SETD5: variants seen among roughly 807,000 people sequenced by gnomAD.
SETD5 encodes the protein histone-lysine N-methyltransferase SETD5.
SETD5 carries 44 observed loss-of-function variants against 153.3 expected under a neutral mutation model. That is an observed-to-expected ratio of 0.29 (90% CI 0.23 to 0.37). SETD5 has a LOEUF of 0.37. Ranked by LOEUF, SETD5 falls within the 10% of genes least tolerant of loss-of-function variation. The probability of loss-of-function intolerance (pLI) is 1.00; values close to 1 mark genes in which losing one functional copy is unlikely to be tolerated. For missense variants in SETD5, 1,544 were observed against 1,768.0 expected (o/e 0.87, Z 2.27); for synonymous variants, 716 against 645.2 (o/e 1.11, Z -1.66).
rs1350831157 is a variant in SETD5, at chr3:9,464,569, C to A, written c.2621C>A (p.Ser874Tyr). Residue 874 changes from serine to tyrosine, a missense_variant, in exon 18 of 23, where the codon TCT becomes TAT. By Grantham distance (144) the Ser-to-Tyr change is moderately radical (BLOSUM62 -2). Coordinates refer to ENST00000402198, the MANE Select transcript of SETD5 (RefSeq NM_001080517.3). Reference sequence around the variant, plus strand: ...CCCCAGCTGGCCACACCTGGCTCATCTCACCCAGGAGAAGAGGAGTGTCGA... The same window carrying A: ...CCCCAGCTGGCCACACCTGGCTCATATCACCCAGGAGAAGAGGAGTGTCGA... ...KSPQLATPGS[S>Y]HPGEEECRNG... The A allele has an allele frequency of 6.2e-7, 1 of 1,613,896 alleles. No individual in the cohort carries two copies. Among genetic ancestry groups the A allele is most frequent in the African/African-American group, 1.3e-5 (1 of 74,936 alleles).
In SETD5 at chr3:9,464,429, G is replaced by A. The variant is rs764551560; in HGVS notation, c.2481G>A (p.Leu827=). The change falls in exon 18 of 23, where the codon TTG becomes TTA. Residue 827 remains leucine (L), a synonymous_variant. Transcript: ENST00000402198. ...SSSICKDNAD[L]LSPLKKWKSR... Reference sequence around the variant, plus strand: ...TCCAAGCTTTGTGTTTCACAGACTTGTTGAGCCCATTAAAGAAATGGAAGT... The same window carrying A: ...TCCAAGCTTTGTGTTTCACAGACTTATTGAGCCCATTAAAGAAATGGAAGT... 1.2e-6 allele frequency: 2 copies of A among 1,609,186 alleles called. No homozygotes were observed. Among genetic ancestry groups the A allele is most frequent in the South Asian group, 2.2e-5 (2 of 91,002 alleles).
intron 7 of SETD5, chr3:9,436,896 G>C (rs1273834287): frequency 1.1e-5 from 17 of 1,549,678 alleles, no homozygotes; most frequent in Non-Finnish European, 1.5e-5. Context: ...AAGGTAAGGG[G>C]TAATCTTCGC....
chr3:9,444,469 T>C (rs539945871), intron 11 of SETD5, among the ~76,000 whole-genome samples: 6 of 152,294 alleles, frequency 3.9e-5, no homozygotes, highest in African/African-American at 9.6e-5. Flanking sequence ...CATCAGACTT[T>C]ATCATTGATA....
intron 1 of SETD5, among the ~76,000 whole-genome samples, chr3:9,413,178 A>G (rs1289185909): frequency 6.6e-6 from 1 of 152,144 alleles, no homozygotes; most frequent in African/African-American, 2.4e-5. Context: ...TCTCCTGATC[A>G]TCGCCTGCTA....
chr3:9,432,214 A>C, intron 3 of SETD5: 6 of 846,708 alleles, frequency 7.1e-6, no homozygotes, highest in Non-Finnish European at 8.5e-6. Flanking sequence ...AATAAAATGC[A>C]TGCACCTCAC....
intron 1 of SETD5, among the ~76,000 whole-genome samples, chr3:9,400,961 T>TC (rs1286487739): frequency 1.3e-5 from 2 of 152,234 alleles, no homozygotes; most frequent in Non-Finnish European, 2.9e-5. Flanking sequence ...CTGTTTTTCT[T>TC]CCCCAAGACT....
chr3:9,447,709 C>G lies in SETD5; in HGVS notation c.1806C>G (p.Val602=). ...QAGDIAAEKL[V]PKPPPAKPSR... Reference sequence around the variant, plus strand: ...AGGATATTGCTGCAGAAAAACTAGTCCCCAAGCCACCTCCAGCAAAGCCTT... The same window carrying G: ...AGGATATTGCTGCAGAAAAACTAGTGCCCAAGCCACCTCCAGCAAAGCCTT... The change falls in exon 15 of 23, where the codon GTC becomes GTG. Residue 602 remains valine (V), a synonymous_variant. Transcript: ENST00000402198. 2 of 1,613,908 alleles carry G rather than the reference C, an allele frequency of 1.2e-6. No individual in the cohort carries two copies. Among genetic ancestry groups the G allele is most frequent in the Non-Finnish European group, 1.7e-6 (2 of 1,179,844 alleles).
At chr3:9,474,177 G>T (rs1378779710) in intron 20 of SETD5, among the ~76,000 whole-genome samples, 2 of 152,162 alleles carry the variant, frequency 1.3e-5, no homozygotes, top group Non-Finnish European at 2.9e-5. Context: ...TCCTAAAGGA[G>T]AAATTTTAAC....
rs147840602 is a variant in SETD5 at position 9,398,332 on chromosome 3, CG to C, written c.-177+356del. ...TGAGGAGAGGCCTCTTGCTGCCCTC[CG>C]CTCGAAATACACAGGCATACTTTTT... On this transcript the variant is annotated intron_variant, in intron 1 of 22. Transcript: ENST00000402198. 5.6e-3 allele frequency: 853 copies of C among 152,280 alleles called. 3 individuals carry two copies. The highest frequency in any genetic ancestry group is 0.01 in the Middle Eastern group (3 of 296). The allele number at this position is 152,280 out of a possible 1,614,324, so 9.4% of individuals were successfully genotyped here.
At chr3:9,435,352 C>A (rs925088969) in intron 6 of SETD5, among the ~76,000 whole-genome samples, 1 of 150,658 alleles carries the variant, frequency 6.6e-6, no homozygotes, top group African/African-American at 2.5e-5. Flanking sequence ...CTGTATAGTT[C>A]TCTCATTGTA....
chr3:9,475,624 G>C lies in SETD5; in HGVS notation c.3862G>C (p.Gly1288Arg). 4 of 1,613,820 alleles carry C rather than the reference G, an allele frequency of 2.5e-6. No individual in the cohort carries two copies. Among genetic ancestry groups the C allele is most frequent in the Non-Finnish European group, 3.4e-6 (4 of 1,179,862 alleles). ...GAGACCTGGAAACCCCCCCTCTCACGGTTCTTCAGAATCATCCCTCTCTTC... is the reference window on the plus strand; with the variant it reads ...GAGACCTGGAAACCCCCCCTCTCACCGTTCTTCAGAATCATCCCTCTCTTC... ...ALRPGNPPSHGSSESSLSSTS... is the reference protein window; with the variant it reads ...ALRPGNPPSHRSSESSLSSTS... The change falls in exon 23 of 23, where the codon GGT (glycine) becomes CGT (arginine). Residue 1288 changes from glycine (G) to arginine (R), a missense_variant. Physicochemically the swap from Gly to Arg is moderately radical, Grantham distance 125 (BLOSUM62 -2). This residue lies in a region of SETD5 where 302 missense variants were observed against 277.6 expected (regional missense o/e 1.09). Transcript: ENST00000402198.
chr3:9,473,581 G>C lies in SETD5; in HGVS notation c.3497+44G>C. 1.9e-6 allele frequency: 3 copies of C among 1,538,548 alleles called. No homozygotes were observed. In the South Asian group the frequency reaches 3.6e-5, roughly 19 times the overall value. Reference sequence around the variant, plus strand: ...TTTTATAGTTAAATTGGGGGTGGGGGGGAGTATATATCTAAGATCATTCCC... The same window carrying C: ...TTTTATAGTTAAATTGGGGGTGGGGCGGAGTATATATCTAAGATCATTCCC... On this transcript the variant is annotated intron_variant, in intron 20 of 22. Transcript: ENST00000402198.
Position 9,474,894 on chromosome 3 carries a change from A to T in SETD5, c.3632-174A>T, listed in dbSNP as rs1003357483. 5 of 635,370 alleles carry T rather than the reference A, an allele frequency of 7.9e-6. No homozygotes were observed. The Admixed American group carries it at 1.2e-4, about 15-fold the overall frequency. 39.4% of individuals were successfully genotyped at this position (635,370 alleles called of 1,614,324 possible). A position where few individuals can be genotyped will look rare whatever the true frequency, so the allele number is the denominator to read the frequency against. On this transcript the variant is annotated intron_variant, in intron 21 of 22. Coordinates refer to ENST00000402198, the MANE Select transcript of SETD5 (RefSeq NM_001080517.3). ...GGGAATCACATCAGGCATTTAGAAC[A>T]TAGCCCATAATTAACCACTCATTTT...
At chr3:9,430,389 G>A (rs2039819148) in intron 3 of SETD5, 4 of 971,540 alleles carry the variant, frequency 4.1e-6, no homozygotes, top group South Asian at 4.8e-5. Context: ...GGTTGGGGGT[G>A]GGGAAGGGTT....
Position 9,470,695 on chromosome 3 carries a change from C to A in SETD5, c.2961C>A (p.Tyr987Ter). ...FRTEFNLMYA[Y>*]SPLNAMPRAD... ...CAGAGTTCAACTTGATGTATGCCTA[C>A]TCCCCTTTGAATGCTATGCCTCGAG... Residue 987 changes from tyrosine to a stop codon, truncating the protein, a stop_gained, in exon 19 of 23, where the codon TAC (tyrosine) becomes TAA (stop). Coordinates refer to ENST00000402198, the MANE Select transcript of SETD5 (RefSeq NM_001080517.3). LOFTEE classifies it high-confidence loss of function. 1 of 1,614,018 alleles carries A rather than the reference C, an allele frequency of 6.2e-7. No homozygotes were observed. Among genetic ancestry groups the A allele is most frequent in the Non-Finnish European group, 8.5e-7 (1 of 1,179,882 alleles).
At chr3:9,421,058 A>G (rs75962927) in intron 1 of SETD5, among the ~76,000 whole-genome samples, 1 of 143,488 alleles carries the variant, frequency 7.0e-6, no homozygotes, top group Non-Finnish European at 1.5e-5. Context: ...CACAACAGGT[A>G]TTTTTTTTTT....
intron 1 of SETD5, among the ~76,000 whole-genome samples, chr3:9,415,787 C>T (rs191239245): frequency 6.6e-6 from 1 of 151,814 alleles, no homozygotes; most frequent in Admixed American, 6.6e-5. Context: ...GGCCTCAAAA[C>T]TCCTGGCCTC....
chr3:9,445,513 C>T lies in SETD5; in HGVS notation c.1441-144C>T, dbSNP rs935736631. The stretch of plus-strand genomic sequence containing the variant: ...GCACCAGAGAATAGGGGTTAGTTAT[C>T]ATCTGTGTTTACCATGTGGCCTCAC... On this transcript the variant is annotated intron_variant, in intron 12 of 22. Coordinates refer to ENST00000402198, the MANE Select transcript of SETD5 (RefSeq NM_001080517.3). 5 of 871,584 alleles carry T rather than the reference C, an allele frequency of 5.7e-6. No individual in the cohort carries two copies. The African/African-American group carries it at 6.8e-5, about 12-fold the overall frequency. 54.0% of individuals were successfully genotyped at this position (871,584 alleles called of 1,614,324 possible).
At position 9,448,617 on chromosome 3, in the gene SETD5, G is replaced by A; in HGVS notation, c.2333G>A (p.Ser778Asn). 6.3e-7 allele frequency: 1 copy of A among 1,591,296 alleles called. No individual in the cohort carries two copies. The highest frequency in any genetic ancestry group is 8.6e-7 in the Non-Finnish European group (1 of 1,166,984). The change falls in exon 16 of 23, where the codon AGC becomes AAC. Residue 778 changes from serine to asparagine, a missense_variant. This residue lies in a region of SETD5 where 782 missense variants were observed against 787.2 expected (regional missense o/e 0.99). Coordinates refer to ENST00000402198, the MANE Select transcript of SETD5 (RefSeq NM_001080517.3). Reference protein sequence around the residue: ...RRPLLPDGTFSSCKKRWIKQA... With the variant: ...RRPLLPDGTFNSCKKRWIKQA... ...CCCCTTCTGCCTGATGGCACATTCAGCTCCTGTAAGAAGGTATGTCTGTGT... is the reference window on the plus strand; with the variant it reads ...CCCCTTCTGCCTGATGGCACATTCAACTCCTGTAAGAAGGTATGTCTGTGT...
Sources: allele counts gnomAD v4.1 joint callset (sites outside exome capture counted in the v4.1 genomes callset), GRCh38; gene constraint gnomAD v4.1.1; regional missense constraint gnomAD v4.1.1; transcripts MANE v1.5; gene names NCBI Gene and HGNC (gene_info 2026-07-23, HGNC 2026-07-21).